Variants in SCAF11 observed in about 807,000 individuals in gnomAD.
SCAF11 encodes the protein protein SCAF11.
A neutral mutation model predicts 140.5 loss-of-function variants in SCAF11; 47 were observed. That is an observed-to-expected ratio of 0.33 (90% CI 0.26 to 0.43). The LOEUF (loss-of-function observed/expected upper bound fraction) is 0.43, where lower values mean the gene tolerates loss of function less well. SCAF11 is among the 20% of genes least tolerant of loss of function. The pLI is 1.00. For synonymous variants in SCAF11, 557 were observed against 579.4 expected, an observed-to-expected ratio of 0.96 and a Z score of 0.55; for missense variants, 1,645 against 1,705.1, an observed-to-expected ratio of 0.96 and a Z score of 0.62.
At chr12:45,988,099 GTTA>G (rs1406399275) in intron 1 of SCAF11, among the ~76,000 whole-genome samples, 1 of 152,140 alleles carries the variant, frequency 6.6e-6, no homozygotes, top group Non-Finnish European at 1.5e-5. Context: ...AAGGTGCAAG[GTTA>G]TTAACTTATT....
intron 1 of SCAF11, among the ~76,000 whole-genome samples, chr12:45,981,407 T>C (rs1470299876): frequency 6.6e-6 from 1 of 152,176 alleles, no homozygotes; most frequent in African/African-American, 2.4e-5. Flanking sequence ...CTGATATTAA[T>C]CCAAGTCCCT....
At chr12:45,974,222 C>A (rs1054572329) in intron 1 of SCAF11, 2 of 470,748 alleles carry the variant, frequency 4.2e-6, no homozygotes, top group African/African-American at 4.0e-5. Context: ...ATCATCTCAG[C>A]AAGGCTTCAG....
At chr12:45,931,328 A>C in intron 10 of SCAF11, 178 bp downstream of exon 10, 1 of 389,122 alleles carries the variant, frequency 2.6e-6, no homozygotes, top group Admixed American at 4.6e-5. Flanking sequence ...ATATATACAT[A>C]CACTCTAGTT....
At chr12:45,990,660 G>C, upstream of SCAF11, 1 of 1,100,566 alleles carries the variant, frequency 9.1e-7, no homozygotes, top group Non-Finnish European at 1.1e-6. Context: ...CTGTCGGCGC[G>C]CTAAGGTGAC....
At chr12:45,976,093 A>C (rs559244599) in intron 1 of SCAF11, among the ~76,000 whole-genome samples, 3 of 152,312 alleles carry the variant, frequency 2.0e-5, no homozygotes, top group Admixed American at 6.5e-5. Flanking sequence ...CAATAAAAAG[A>C]GGTATGCCTA....
At chr12:45,961,585 C>T in intron 3 of SCAF11, 115 bp downstream of exon 3, 1 of 885,356 alleles carries the variant, frequency 1.1e-6, no homozygotes, top group Non-Finnish European at 1.7e-6. Context: ...GGAAATTTGT[C>T]CAAAGTAGGA....
intron 3 of SCAF11, among the ~76,000 whole-genome samples, chr12:45,959,093 T>C (rs904627593): frequency 6.6e-6 from 1 of 152,104 alleles, no homozygotes; most frequent in African/African-American, 2.4e-5. Flanking sequence ...CACAGAAATT[T>C]TGAAAGATAC....
Position 45,928,712 on chromosome 12 carries a change from T to G in SCAF11, c.989A>C (p.Glu330Ala). ...GGATCTCTGAGACTGACTGGCTGTT[T>G]CAGCTCTTGTGTTACGTGTAGACCT... The part of the protein sequence containing the change: ...TRRSTRNTRA[E>A]TASQSQRSPI... The change falls in exon 11 of 15, where the codon GAA becomes GCA. Residue 330 changes from glutamate (E) to alanine (A), a missense_variant. Glu to Ala is a moderately radical substitution (Grantham distance 107, BLOSUM62 -1). Coordinates refer to ENST00000369367, the MANE Select transcript of SCAF11 (RefSeq NM_004719.3). The G allele has an allele frequency of 6.2e-7, 1 of 1,614,118 alleles. No individual in the cohort carries two copies. The highest frequency in any genetic ancestry group is 8.5e-7 in the Non-Finnish European group (1 of 1,180,004).
At chr12:45,987,967 C>T (rs978763527) in intron 1 of SCAF11, among the ~76,000 whole-genome samples, 1 of 152,044 alleles carries the variant, frequency 6.6e-6, no homozygotes, top group Admixed American at 6.6e-5. Context: ...AGTTCATAGA[C>T]ACAACTTAAA....
chr12:45,921,217 A>T lies in SCAF11; in HGVS notation c.*831T>A, dbSNP rs984246433. The stretch of plus-strand genomic sequence containing the variant: ...AGGCTGGTCTCGAACTCCTGACCTC[A>T]GGTGATCCGCCACCTCGGCCTCCCA... On this transcript the variant is annotated 3_prime_UTR_variant, in exon 15 of 15. Coordinates refer to ENST00000369367, the MANE Select transcript of SCAF11 (RefSeq NM_004719.3). 1 of 152,522 alleles carries T rather than the reference A, an allele frequency of 6.6e-6. No individual in the cohort carries two copies. The highest frequency in any genetic ancestry group is 2.4e-5 in the African/African-American group (1 of 41,434). The allele number at this position is 152,522 out of a possible 1,614,324, so 9.4% of individuals were successfully genotyped here. A position where few individuals can be genotyped will look rare whatever the true frequency, so the allele number is the denominator to read the frequency against.
chr12:45,942,345 G>A (rs566246419), intron 6 of SCAF11, among the ~76,000 whole-genome samples: 2 of 152,256 alleles, frequency 1.3e-5, no homozygotes, highest in South Asian at 2.1e-4. Flanking sequence ...CTAGAAAAAC[G>A]TCACCTAAAA....
chr12:45,928,771 T>G lies in SCAF11; in HGVS notation c.930A>C (p.Ser310=). The part of the protein sequence containing the change: ...QTSGTSNTRG[S]RRKPAMTTPT... Reference sequence around the variant, plus strand: ...GAGTTGTCATTGCAGGTTTTCGTCTTGATCCTCTGGTATTTGATGTACCAG... The same window carrying G: ...GAGTTGTCATTGCAGGTTTTCGTCTGGATCCTCTGGTATTTGATGTACCAG... The change falls in exon 11 of 15, where the codon TCA becomes TCC. Residue 310 remains serine (S), a synonymous_variant. Transcript: ENST00000369367. 3 of 1,613,986 alleles carry G rather than the reference T, an allele frequency of 1.9e-6. No individual in the cohort carries two copies. Among genetic ancestry groups the G allele is most frequent in the Non-Finnish European group, 2.5e-6 (3 of 1,180,000 alleles).
At chr12:45,931,698 T>C (rs1945048701) in intron 9 of SCAF11, 86 bp from the exon 10 acceptor site, 2 of 659,998 alleles carry the variant, frequency 3.0e-6, no homozygotes, top group Non-Finnish European at 4.9e-6. Context: ...TAAATCAGGT[T>C]AGCAATATTA....
At chr12:45,939,862 T>C (rs1945254425) in intron 6 of SCAF11, among the ~76,000 whole-genome samples, 1 of 152,270 alleles carries the variant, frequency 6.6e-6, no homozygotes, top group African/African-American at 2.4e-5. Context: ...CCTTAGGCTA[T>C]ATCATGGTTT....
At position 45,922,008 on chromosome 12, in the gene SCAF11, TGC is replaced by T; in HGVS notation, c.*38_*39del. 6.3e-7 allele frequency: 1 copy of T among 1,581,888 alleles called. No homozygotes were observed. The highest frequency in any genetic ancestry group is 8.6e-7 in the Non-Finnish European group (1 of 1,169,310). On this transcript the variant is annotated 3_prime_UTR_variant, in exon 15 of 15. Transcript: ENST00000369367. ...AATGGTACATGTTGAAATTGCACTT[TGC>T]AGATATCCTGATAATGTCCTTGACA... is the stretch of plus-strand genomic sequence containing the variant.
At chr12:45,924,078 T>C (rs926677453) in intron 12 of SCAF11, among the ~76,000 whole-genome samples, 1 of 152,170 alleles carries the variant, frequency 6.6e-6, no homozygotes, top group Non-Finnish European at 1.5e-5. Context: ...CCTGACCTCG[T>C]GATTCACCCA....
At position 45,951,736 on chromosome 12, in the gene SCAF11, T is replaced by C; in HGVS notation, c.220-9A>G. On this transcript the variant is annotated splice_polypyrimidine_tract_variant and intron_variant, in intron 3 of 14. Coordinates refer to ENST00000369367, the MANE Select transcript of SCAF11 (RefSeq NM_004719.3). ...GGACATGAAGCCAGTGTCTGAAAAG[T>C]GATTAACAAATTATATCTTTACAAA... 5 of 1,551,892 alleles carry C rather than the reference T, an allele frequency of 3.2e-6. No homozygotes were observed. The highest frequency in any genetic ancestry group is 4.4e-6 in the Non-Finnish European group (5 of 1,136,106).
At chr12:45,962,771 C>G (rs1309884288) in intron 2 of SCAF11, among the ~76,000 whole-genome samples, 1 of 152,096 alleles carries the variant, frequency 6.6e-6, no homozygotes, top group East Asian at 1.9e-4. Context: ...AGTATCAAGC[C>G]AAGACTTTTA....
intron 6 of SCAF11, among the ~76,000 whole-genome samples, chr12:45,942,936 C>T (rs1028269069): frequency 6.6e-6 from 1 of 151,560 alleles, no homozygotes; most frequent in African/African-American, 2.4e-5. Context: ...TCACTGTGCT[C>T]AGTATAGTTA....
Sources: gnomAD v4.1 joint callset for allele counts (sites outside exome capture counted in the v4.1 genomes callset) on GRCh38, gnomAD v4.1.1 for gene constraint, MANE v1.5 for transcripts, NCBI Gene and HGNC (gene_info 2026-07-23, HGNC 2026-07-21) for gene names.